GC: variants seen among roughly 807,000 people sequenced by gnomAD.
GC encodes GC vitamin D binding protein.
Under a neutral mutation model 56.7 loss-of-function variants are expected in GC, and 43 were observed. That is an observed-to-expected ratio of 0.76 (90% CI 0.59 to 0.98). GC has a LOEUF of 0.98. GC is among the 50% of genes least tolerant of loss of function. GC has a pLI of 0.00. For missense variants in GC, 529 were observed against 545.9 expected (o/e 0.97, Z 0.31); for synonymous variants, 216 against 202.7 (o/e 1.07, Z -0.56).
intron 1 of GC, among the ~76,000 whole-genome samples, chr4:71,773,491 G>A (rs1336587515): frequency 6.6e-6 from 1 of 151,930 alleles, no homozygotes; most frequent in East Asian, 1.9e-4. Context: ...GTTCAATATT[G>A]AATTTGAACT....
intron 1 of GC, among the ~76,000 whole-genome samples, chr4:71,798,116 T>A (rs1743153335): frequency 6.6e-6 from 1 of 152,232 alleles, no homozygotes; most frequent in Non-Finnish European, 1.5e-5. Flanking sequence ...TCCAATTTCA[T>A]TAGATTATTT....
At chr4:71,776,934 A>G (rs1041882014) in intron 1 of GC, among the ~76,000 whole-genome samples, 1 of 151,936 alleles carries the variant, frequency 6.6e-6, no homozygotes, top group Non-Finnish European at 1.5e-5. Context: ...TTGGATGTGT[A>G]TCATTATTTA....
At chr4:71,782,335 C>T (rs1448989589) in intron 1 of GC, among the ~76,000 whole-genome samples, 1 of 151,796 alleles carries the variant, frequency 6.6e-6, no homozygotes, top group African/African-American at 2.4e-5. Context: ...TCTAAGTAAA[C>T]TGCTGACTTG....
Position 71,756,789 on chromosome 4 carries a change from T to G in GC, c.957A>C (p.Gln319His). ...FVCTYFMPAA[Q>H]LPELPDVELP... ...ACTCTACATCTGGAAGCTCGGGGAG[T>G]TGGGCAGCTGGCATGAAGTAAGTGC... Residue 319 changes from glutamine (Q) to histidine (H), a missense_variant, in exon 8 of 13, where the codon CAA becomes CAC. By Grantham distance (24) the Gln-to-His change is conservative (BLOSUM62 0). Transcript: ENST00000273951. 6.2e-7 allele frequency: 1 copy of G among 1,613,876 alleles called. No individual in the cohort carries two copies. Among genetic ancestry groups the G allele is most frequent in the South Asian group, 1.1e-5 (1 of 91,080 alleles).
At chr4:71,753,903 G>A (rs909457526) in intron 10 of GC, among the ~76,000 whole-genome samples, 1 of 152,102 alleles carries the variant, frequency 6.6e-6, no homozygotes, top group Non-Finnish European at 1.5e-5. Context: ...GCTAAGCTAT[G>A]TGCTCATTTT....
intron 11 of GC, among the ~76,000 whole-genome samples, chr4:71,748,559 G>A (rs1022337008): frequency 1.1e-4 from 17 of 152,068 alleles, no homozygotes; most frequent in African/African-American, 3.9e-4. Flanking sequence ...AGCCCAAAGG[G>A]ATGCCCTGCC....
At chr4:71,757,837 G>T (rs1014465153) in intron 7 of GC, among the ~76,000 whole-genome samples, 1 of 152,184 alleles carries the variant, frequency 6.6e-6, no homozygotes, top group African/African-American at 2.4e-5. Context: ...CCTACTAGTT[G>T]TGTGGTAACA....
At position 71,756,824 on chromosome 4, in the gene GC, C is replaced by A. The variant is rs148501037; in HGVS notation, c.922G>T (p.Val308Phe). 1.2e-6 allele frequency: 2 copies of A among 1,613,038 alleles called. No homozygotes were observed. Among genetic ancestry groups the A allele is most frequent in the Non-Finnish European group, 8.5e-7 (1 of 1,179,032 alleles). ...GGCATGAAGTAAGTGCACACAAAAA[C>A]GTCCATGGCTGTTTTTTCTTGACAA... ...DCCQEKTAMD[V>F]FVCTYFMPAA... The change falls in exon 8 of 13, where the codon GTT becomes TTT. Residue 308 changes from valine to phenylalanine, a missense_variant. Coordinates refer to ENST00000273951, the MANE Select transcript of GC (RefSeq NM_000583.4).
chr4:71,748,949 A>T (rs529698621), intron 11 of GC, among the ~76,000 whole-genome samples: 2 of 152,226 alleles, frequency 1.3e-5, no homozygotes, highest in South Asian at 4.1e-4. Context: ...TGACAAGGAG[A>T]TCTCACAAAT....
Position 71,752,773 on chromosome 4 carries a change from C to G in GC, c.1263-123G>C, listed in dbSNP as rs189318703. Reference sequence around the variant, plus strand: ...AATGAAAATAGAAATACTTGCCTGTCTCAAGAAAATTCTATACCTGTGGTA... The same window carrying G: ...AATGAAAATAGAAATACTTGCCTGTGTCAAGAAAATTCTATACCTGTGGTA... On this transcript the variant is annotated intron_variant, in intron 10 of 12. Transcript: ENST00000273951. The G allele has an allele frequency of 8.0e-6, 7 of 870,162 alleles. No individual in the cohort carries two copies. In the East Asian group the frequency reaches 1.6e-4, roughly 20 times the overall value. The allele number at this position is 870,162 out of a possible 1,614,324, so 53.9% of individuals were successfully genotyped here.
chr4:71,768,305 G>C lies in GC; in HGVS notation c.257C>G (p.Thr86Ser), dbSNP rs779998426. ...AEGADPDCYD[T>S]RTSALSAKSC... is the part of the protein sequence containing the mutation. Reference sequence around the variant, plus strand: ...CGGCCAGCCACAGAAACCTACCCTGGTGTCATAGCAGTCAGGGTCAGCCCC... The same window carrying C: ...CGGCCAGCCACAGAAACCTACCCTGCTGTCATAGCAGTCAGGGTCAGCCCC... Residue 86 changes from threonine (T) to serine (S), a missense_variant, in exon 3 of 13, where the codon ACC (threonine) becomes AGC (serine). Thr to Ser is a moderately conservative substitution (Grantham distance 58). Transcript: ENST00000273951. 6.2e-7 allele frequency: 1 copy of C among 1,604,176 alleles called. No individual in the cohort carries two copies. Among genetic ancestry groups the C allele is most frequent in the Non-Finnish European group, 8.5e-7 (1 of 1,174,624 alleles).
At chr4:71,750,253 G>T (rs1741503241) in intron 11 of GC, among the ~76,000 whole-genome samples, 1 of 152,120 alleles carries the variant, frequency 6.6e-6, no homozygotes, top group Non-Finnish European at 1.5e-5. Context: ...ATTACAAAGG[G>T]AATATCACAG....
intron 1 of GC, among the ~76,000 whole-genome samples, chr4:71,773,577 T>C (rs890456714): frequency 1.3e-5 from 2 of 152,078 alleles, no homozygotes; most frequent in African/African-American, 4.8e-5. Flanking sequence ...AATAAGATAC[T>C]GCTTTGTTAC....
intron 1 of GC, among the ~76,000 whole-genome samples, chr4:71,783,720 A>G (rs910424638): frequency 6.6e-6 from 1 of 151,732 alleles, no homozygotes; most frequent in African/African-American, 2.4e-5. Context: ...GATAATTGAC[A>G]AATTATATCA....
chr4:71,790,852 G>C (rs1454622425), intron 1 of GC, among the ~76,000 whole-genome samples: 1 of 151,638 alleles, frequency 6.6e-6, no homozygotes, highest in African/African-American at 2.4e-5. Context: ...TGCCATGCTG[G>C]TGTGCTGCAC....
At chr4:71,804,211 T>C (rs2149312175), upstream of GC, among the ~76,000 whole-genome samples, 1 of 152,326 alleles carries the variant, frequency 6.6e-6, no homozygotes, top group East Asian at 1.9e-4. Context: ...CTGGCATTAG[T>C]GGCTGAAGAA....
chr4:71,776,766 T>C (rs142928837), intron 1 of GC, among the ~76,000 whole-genome samples: 28 of 152,076 alleles, frequency 1.8e-4, no homozygotes, highest in African/African-American at 6.5e-4. Context: ...TATATAATTA[T>C]AATTTGCCAA....
At chr4:71,772,529 C>T (rs922079365) in intron 1 of GC, among the ~76,000 whole-genome samples, 4 of 152,110 alleles carry the variant, frequency 2.6e-5, no homozygotes, top group African/African-American at 4.8e-5. Flanking sequence ...TAACTGGGCA[C>T]TGCATGTTAT....
At chr4:71,793,934 A>G (rs1223409439) in intron 1 of GC, among the ~76,000 whole-genome samples, 1 of 151,840 alleles carries the variant, frequency 6.6e-6, no homozygotes, top group East Asian at 1.9e-4. Context: ...TTGTTGTTGG[A>G]TCTATTTATG....
Sources: allele counts gnomAD v4.1 joint callset (sites outside exome capture counted in the v4.1 genomes callset), GRCh38; gene constraint gnomAD v4.1.1; transcripts MANE v1.5; gene names NCBI Gene and HGNC (gene_info 2026-07-23, HGNC 2026-07-21).